The following PPM1E variants were observed in gnomAD, a reference collection of about 807,000 sequenced individuals.
The protein encoded by PPM1E is protein phosphatase 1E.
In PPM1E, 20 loss-of-function variants were observed where a neutral mutation model predicts 65.9. That is an observed-to-expected ratio of 0.30 (90% CI 0.21 to 0.44). PPM1E has a LOEUF of 0.44. Among genes scored for constraint, PPM1E ranks in the 20% least tolerant of loss-of-function variants. The pLI is 1.00. For missense variants in PPM1E, 713 were observed against 953.1 expected (o/e 0.75, Z 3.32); for synonymous variants, 352 against 374.9 (o/e 0.94, Z 0.70).
chr17:58,883,974 G>C (rs1379497151), intron 1 of PPM1E, among the ~76,000 whole-genome samples: 2 of 152,140 alleles, frequency 1.3e-5, no homozygotes, highest in Non-Finnish European at 2.9e-5. Context: ...AATCTACTGG[G>C]CTCAATCGAA....
rs191245493 is a variant in PPM1E, at chr17:58,956,943, G to A, written c.583+1176G>A. Among the ~76,000 whole-genome samples the A allele has an allele frequency of 1.7e-4, 26 of 152,216 alleles. 1 individual carries two copies. In the East Asian group the frequency reaches 3.5e-3, roughly 20 times the overall value. On this transcript the variant is annotated intron_variant, in intron 2 of 6. Coordinates refer to ENST00000308249, the MANE Select transcript of PPM1E (RefSeq NM_014906.5). ...TGTAGATTGTTTGTGACAGAAAATC[G>A]GCAAGGAAGGAATTACTCTTCTTGT... is the stretch of plus-strand genomic sequence containing the variant.
chr17:58,928,868 A>G lies in PPM1E; in HGVS notation c.465-26781A>G, dbSNP rs575738081. 1.0e-3 allele frequency among the ~76,000 whole-genome samples: 159 copies of G among 151,918 alleles called. 1 individual carries two copies. Among genetic ancestry groups the G allele is most frequent in the African/African-American group, 3.6e-3 (151 of 41,388 alleles). ...AAGGCGCCCACCACCACGCCCGGCT[A>G]ATATTTTGTATTTTTAGTAGAGACG... On this transcript the variant is annotated intron_variant, in intron 1 of 6. Coordinates refer to ENST00000308249, the MANE Select transcript of PPM1E (RefSeq NM_014906.5).
chr17:58,879,200 CAG>C, intron 1 of PPM1E, among the ~76,000 whole-genome samples: 1 of 151,530 alleles, frequency 6.6e-6, no homozygotes, highest in Non-Finnish European at 1.5e-5. Flanking sequence ...CGTTTTTTCA[CAG>C]AATTAGGAAC....
intron 1 of PPM1E, among the ~76,000 whole-genome samples, chr17:58,772,768 A>G (rs2144179356): frequency 6.6e-6 from 1 of 152,230 alleles, no homozygotes; most frequent in East Asian, 1.9e-4. Context: ...ATATTCAGTT[A>G]CTACTGGGCA....
intron 1 of PPM1E, among the ~76,000 whole-genome samples, chr17:58,792,017 CCA>C (rs908881088): frequency 6.6e-6 from 1 of 151,874 alleles, no homozygotes; most frequent in African/African-American, 2.4e-5. Flanking sequence ...ATTCTTATTC[CCA>C]TCTTTGTGTC....
At chr17:58,789,803 C>T (rs1203282219) in intron 1 of PPM1E, among the ~76,000 whole-genome samples, 1 of 151,744 alleles carries the variant, frequency 6.6e-6, no homozygotes, top group East Asian at 1.9e-4. Flanking sequence ...TGATGTGACA[C>T]ACAAGAACAC....
chr17:58,845,286 T>G (rs1381786748), intron 1 of PPM1E, among the ~76,000 whole-genome samples: 1 of 150,758 alleles, frequency 6.6e-6, no homozygotes, highest in Non-Finnish European at 1.5e-5. Flanking sequence ...GTTCTGTTCA[T>G]GGGTCATGGT....
intron 1 of PPM1E, among the ~76,000 whole-genome samples, chr17:58,942,837 GA>G (rs34632292): frequency 0.64 from 95,919 of 150,086 alleles, 30,884 homozygotes; most frequent in African/African-American, 0.72. Context: ...TAAAAAAAAA[GA>G]AAAAAAAAAG....
In PPM1E at chr17:58,980,511, C is replaced by G. The variant is rs764503398; in HGVS notation, c.1748C>G (p.Ala583Gly). The G allele has an allele frequency of 2.9e-5, 47 of 1,614,032 alleles. 2 individuals carry two copies. The South Asian group carries it at 4.9e-4, about 17-fold the overall frequency. The change falls in exon 7 of 7, where the codon GCC becomes GGC. Residue 583 changes from alanine to glycine, a missense_variant. Ala to Gly is a moderately conservative substitution (Grantham distance 60, BLOSUM62 0). Transcript: ENST00000308249. The surrounding 1 kb of genome is among the most constrained non-coding windows in gnomAD (Gnocchi z 4.7). ...TQIEASKPHSAQFLLPVEMFG... is the reference protein window; with the variant it reads ...TQIEASKPHSGQFLLPVEMFG... ...ATAGAAGCAAGCAAACCTCACAGTG[C>G]CCAGTTTTTGCTACCAGTTGAGATG...
At chr17:58,868,163 C>A (rs2051026822) in intron 1 of PPM1E, among the ~76,000 whole-genome samples, 1 of 151,968 alleles carries the variant, frequency 6.6e-6, no homozygotes, top group Non-Finnish European at 1.5e-5. Flanking sequence ...AACCCTGTCT[C>A]TACAAAACAT....
At chr17:58,884,579 G>T (rs939708378) in intron 1 of PPM1E, among the ~76,000 whole-genome samples, 1 of 152,046 alleles carries the variant, frequency 6.6e-6, no homozygotes, top group Non-Finnish European at 1.5e-5. Flanking sequence ...TATTAGATCT[G>T]CCCTCTTATC....
intron 6 of PPM1E, among the ~76,000 whole-genome samples, chr17:58,974,233 AT>A (rs1416241017): frequency 6.6e-6 from 1 of 152,168 alleles, no homozygotes; most frequent in Non-Finnish European, 1.5e-5. Flanking sequence ...ATCCACATTC[AT>A]TTTGTTTATG....
At chr17:58,832,851 G>C (rs1234736039) in intron 1 of PPM1E, among the ~76,000 whole-genome samples, 1 of 151,940 alleles carries the variant, frequency 6.6e-6, no homozygotes, top group Non-Finnish European at 1.5e-5. Flanking sequence ...GCCTCGCTCT[G>C]TTACCAGGCT....
chr17:58,977,642 TAG>T (rs2031092499), intron 6 of PPM1E, among the ~76,000 whole-genome samples: 2 of 152,216 alleles, frequency 1.3e-5, no homozygotes, highest in African/African-American at 4.8e-5. Flanking sequence ...TGCAACCTGC[TAG>T]ATAGGGCATG....
chr17:58,966,024 C>G (rs1044256550), intron 3 of PPM1E, 131 bp downstream of exon 3: 3 of 896,226 alleles, frequency 3.3e-6, no homozygotes, highest in Non-Finnish European at 5.0e-6. Flanking sequence ...GGGCTAAGTG[C>G]AAAGTGGCAC....
At chr17:58,767,403 T>C (rs1487689515) in intron 1 of PPM1E, among the ~76,000 whole-genome samples, 1 of 152,184 alleles carries the variant, frequency 6.6e-6, no homozygotes, top group African/African-American at 2.4e-5. Flanking sequence ...TGATGTTCAT[T>C]TTATGATTCT....
intron 1 of PPM1E, among the ~76,000 whole-genome samples, chr17:58,901,535 G>A (rs751913643): frequency 2.6e-4 from 39 of 151,944 alleles, no homozygotes; most frequent in Non-Finnish European, 4.4e-4. Context: ...AAAATTAGCC[G>A]GGCATGGTGG....
intron 1 of PPM1E, among the ~76,000 whole-genome samples, chr17:58,768,567 A>G (rs990461858): frequency 6.6e-6 from 1 of 152,196 alleles, no homozygotes; most frequent in Non-Finnish European, 1.5e-5. Context: ...TTACCTATAG[A>G]TAAGAGCCGT....
At chr17:58,764,315 AAC>A (rs1228416847) in intron 1 of PPM1E, among the ~76,000 whole-genome samples, 2 of 152,176 alleles carry the variant, frequency 1.3e-5, no homozygotes, top group Non-Finnish European at 2.9e-5. Flanking sequence ...TTAATTCTGT[AAC>A]ACATATCTAA....
Sources: gnomAD v4.1 joint callset for allele counts (sites outside exome capture counted in the v4.1 genomes callset) on GRCh38, gnomAD v4.1.1 for gene constraint, Gnocchi (gnomAD v3.1) non-coding constraint, MANE v1.5 for transcripts, NCBI Gene and HGNC (gene_info 2026-07-23, HGNC 2026-07-21) for gene names.